ZDHHC15: variants seen among roughly 807,000 people sequenced by gnomAD.
The protein encoded by ZDHHC15 is palmitoyltransferase ZDHHC15.
ZDHHC15 carries 19 observed loss-of-function variants against 31.7 expected under a neutral mutation model. The observed-to-expected ratio is 0.60, with a 90% confidence interval of 0.42 to 0.88. ZDHHC15 has a LOEUF of 0.88. ZDHHC15 is among the 40% of genes least tolerant of loss of function. ZDHHC15 has a pLI of 0.00. For missense variants in ZDHHC15, 209 were observed against 251.2 expected (o/e 0.83, Z 1.14); for synonymous variants, 103 against 90.0 (o/e 1.14, Z -0.82).
intron 11 of ZDHHC15, among the ~76,000 whole-genome samples, chrX:75,373,924 C>CTTTTTTTTTTTTTTTT (rs1298329750): frequency 2.6e-4 from 5 of 19,053 alleles, no homozygotes; most frequent in Non-Finnish European, 6.4e-4. Flanking sequence ...TTCATTCTTT[C>CTTTTTTTTTTTTTTTT]TGTTTTTTTT....
chrX:75,503,317 A>G (rs2085114256), intron 2 of ZDHHC15, among the ~76,000 whole-genome samples: 1 of 110,780 alleles, frequency 9.0e-6, no homozygotes, highest in South Asian at 3.8e-4. Flanking sequence ...TCCCTATAAA[A>G]TACAAATGTA....
chrX:75,432,077 C>G lies in ZDHHC15; in HGVS notation c.380-557G>C, dbSNP rs1047388715. On this transcript the variant is annotated intron_variant, in intron 4 of 11. Transcript: ENST00000373367. ...AAGTGATTTGCCCAGGGTCACACAGCAAGTTGCTGGCAGGGCTGTGACCTG... is the reference window on the plus strand; with the variant it reads ...AAGTGATTTGCCCAGGGTCACACAGGAAGTTGCTGGCAGGGCTGTGACCTG... 2.7e-5 allele frequency among the ~76,000 whole-genome samples: 3 copies of G among 111,878 alleles called. No individual in the cohort carries two copies. In the Admixed American group the frequency reaches 2.8e-4, roughly 11 times the overall value.
At position 75,429,015 on chromosome X, in the gene ZDHHC15, T is replaced by C. The variant is rs989854348; in HGVS notation, c.603+63A>G. On this transcript the variant is annotated intron_variant, in intron 7 of 11. Coordinates refer to ENST00000373367, the MANE Select transcript of ZDHHC15 (RefSeq NM_144969.3). ...ATGTAAAAAGATAGAGGGTGAACAA[T>C]GTCACAAGTTGGAGTGGGTGTGCAT... The C allele has an allele frequency of 1.9e-5, 22 of 1,166,643 alleles. 1 individual carries two copies. The Admixed American group carries it at 5.2e-4, about 28-fold the overall frequency.
chrX:75,479,561 A>C (rs1207111400), intron 2 of ZDHHC15, among the ~76,000 whole-genome samples: 1 of 111,633 alleles, frequency 9.0e-6, no homozygotes. Flanking sequence ...CGTTACATGC[A>C]TAGGTTGCAC....
In ZDHHC15 at chrX:75,370,766, AGGTGGTCCGGCC is replaced by A. The variant is rs1322437323; in HGVS notation, c.*2200_*2211del. ...AGGCTGGTCTTGAACTCCCGACCTCAGGTGGTCCGGCCGCCTTGGGCTCCCAAAATGTTGGGA... is the reference window on the plus strand; with the variant it reads ...AGGCTGGTCTTGAACTCCCGACCTCAGCCTTGGGCTCCCAAAATGTTGGGA... On this transcript the variant is annotated 3_prime_UTR_variant, in exon 12 of 12. Transcript: ENST00000373367. The A allele has an allele frequency of 1.8e-5, 2 of 111,314 alleles. No individual in the cohort carries two copies. The highest frequency in any genetic ancestry group is 3.8e-5 in the Non-Finnish European group (2 of 53,080). 9.2% of individuals were successfully genotyped at this position (111,314 alleles called of 1,213,427 possible).
chrX:75,455,314 T>G (rs777200108), intron 3 of ZDHHC15, among the ~76,000 whole-genome samples: 3 of 111,710 alleles, frequency 2.7e-5, no homozygotes, highest in Admixed American at 9.6e-5. Context: ...TAGCTAGCCA[T>G]ATGTAGAAAG....
chrX:75,492,847 C>A (rs1247731759), intron 2 of ZDHHC15, among the ~76,000 whole-genome samples: 1 of 111,665 alleles, frequency 9.0e-6, no homozygotes, highest in Non-Finnish European at 1.9e-5. Context: ...ATAAAATTGA[C>A]ACCCTAACAT....
intron 9 of ZDHHC15, among the ~76,000 whole-genome samples, chrX:75,417,835 C>A: frequency 9.0e-6 from 1 of 111,724 alleles, no homozygotes; most frequent in Non-Finnish European, 1.9e-5. Context: ...TGAGCTGGCC[C>A]TGGCTAGAAG....
intron 3 of ZDHHC15, among the ~76,000 whole-genome samples, chrX:75,475,294 C>T (rs947856119): frequency 1.0e-5 from 1 of 98,220 alleles, no homozygotes; most frequent in African/African-American, 3.5e-5. Context: ...AAGAAATTCC[C>T]AAACCAATGT....
rs769029817 is a variant in ZDHHC15 at position 75,478,951 on chromosome X, C to T, written c.198G>A (p.Val66=). The part of the protein sequence containing the change: ...IYLILYHAIF[V]FFTWTYWKSI... Reference sequence around the variant, plus strand: ...ACTTCCAGTAGGTCCAGGTAAAGAACACAAAGATGGCATGGTAGAGTATGA... The same window carrying T: ...ACTTCCAGTAGGTCCAGGTAAAGAATACAAAGATGGCATGGTAGAGTATGA... The change falls in exon 3 of 12, where the codon GTG becomes GTA. Residue 66 remains valine, a synonymous_variant. Coordinates refer to ENST00000373367, the MANE Select transcript of ZDHHC15 (RefSeq NM_144969.3). 25 of 1,200,384 alleles carry T rather than the reference C, an allele frequency of 2.1e-5. No individual in the cohort carries two copies. The Admixed American group carries it at 2.5e-4, about 12-fold the overall frequency.
chrX:75,401,629 A>G (rs1051860635), intron 10 of ZDHHC15, among the ~76,000 whole-genome samples: 11 of 112,113 alleles, frequency 9.8e-5, no homozygotes, highest in African/African-American at 3.6e-4. Context: ...CAACAAATAT[A>G]AAAAAAGACA....
In ZDHHC15 at chrX:75,414,427, T is replaced by TTC. The variant is rs72207892; in HGVS notation, c.967+2659_967+2660insGA. On this transcript the variant is annotated intron_variant, in intron 10 of 11. Coordinates refer to ENST00000373367, the MANE Select transcript of ZDHHC15 (RefSeq NM_144969.3). ...CAGGTTATTGTTAGCATATTTTATC[T>TTC]TTTTTTTTTTTTTTTTTTTTGAGAC... is the stretch of plus-strand genomic sequence containing the variant. Among the ~76,000 whole-genome samples the TTC allele has an allele frequency of 0.015, 55 of 3,698 alleles. 1 individual carries two copies. The Non-Finnish European group carries it at 0.2, about 14-fold the overall frequency. 3.2% of individuals were successfully genotyped at this position (3,698 alleles called of 115,157 possible). A position where few individuals can be genotyped will look rare whatever the true frequency, so the allele number is the denominator to read the frequency against.
chrX:75,425,539 T>A (rs1347918988), intron 7 of ZDHHC15, among the ~76,000 whole-genome samples: 1 of 112,497 alleles, frequency 8.9e-6, no homozygotes, highest in Non-Finnish European at 1.9e-5. Context: ...TTCTGTAACA[T>A]GCGCAGCATG....
intron 4 of ZDHHC15, 127 bp from the exon 5 acceptor site, chrX:75,431,647 A>G (rs2083781567): frequency 2.0e-6 from 1 of 493,271 alleles, no homozygotes; most frequent in Non-Finnish European, 3.1e-6. Flanking sequence ...TCAAGTTACC[A>G]AGCAAAAGGC....
intron 11 of ZDHHC15, among the ~76,000 whole-genome samples, chrX:75,373,757 AATC>A (rs2083024808): frequency 9.0e-6 from 1 of 110,956 alleles, no homozygotes. Flanking sequence ...TGCAATGCAT[AATC>A]ATCACATTTT....
chrX:75,396,780 A>G (rs753787594), intron 10 of ZDHHC15, among the ~76,000 whole-genome samples: 1 of 111,635 alleles, frequency 9.0e-6, no homozygotes, highest in Admixed American at 9.6e-5. Flanking sequence ...AGTAGTATAT[A>G]CATACAATGG....
rs146944964 is a variant in ZDHHC15, at chrX:75,463,281, A to G, written c.259-12359T>C. 4.0e-3 allele frequency among the ~76,000 whole-genome samples: 451 copies of G among 111,387 alleles called. 4 individuals carry two copies. The highest frequency in any genetic ancestry group is 5.0e-3 in the Non-Finnish European group (263 of 53,076). ...GTAATAAACAGCCTACCAATCAAAAAAAGCCCAGGACCAGATGAATTCACA... is the reference window on the plus strand; with the variant it reads ...GTAATAAACAGCCTACCAATCAAAAGAAGCCCAGGACCAGATGAATTCACA... On this transcript the variant is annotated intron_variant, in intron 3 of 11. Transcript: ENST00000373367.
chrX:75,519,072 T>G (rs2085409558), intron 1 of ZDHHC15, among the ~76,000 whole-genome samples: 1 of 108,841 alleles, frequency 9.2e-6, no homozygotes, highest in Non-Finnish European at 1.9e-5. Flanking sequence ...AGTGACTGCT[T>G]AATGCTTATG....
At chrX:75,443,969 C>A (rs1396780030) in intron 4 of ZDHHC15, among the ~76,000 whole-genome samples, 3 of 109,126 alleles carry the variant, frequency 2.7e-5, no homozygotes, top group East Asian at 2.9e-4. Context: ...CAGGAAACAA[C>A]AGGTGCTGGA....
Sources: allele counts gnomAD v4.1 joint callset (sites outside exome capture counted in the v4.1 genomes callset), GRCh38; gene constraint gnomAD v4.1.1; transcripts MANE v1.5; gene names NCBI Gene and HGNC (gene_info 2026-07-23, HGNC 2026-07-21).